The following WDR59 variants were observed in gnomAD, a reference collection of about 807,000 sequenced individuals.
WDR59 encodes the protein GATOR2 complex protein WDR59.
A neutral mutation model predicts 131.2 loss-of-function variants in WDR59; 100 were observed. The ratio of observed to expected loss-of-function variants is 0.76; its 90% CI spans 0.65 to 0.90. WDR59 has a LOEUF of 0.90. Ranked by LOEUF, WDR59 falls within the 40% of genes least tolerant of loss-of-function variation. The probability of loss-of-function intolerance (pLI) is 0.00; values close to 1 mark genes in which losing one functional copy is unlikely to be tolerated. For synonymous variants in WDR59, 601 were observed against 466.2 expected (o/e 1.29, Z -3.72); for missense variants, 1,203 against 1,262.2 (o/e 0.95, Z 0.71).
At chr16:74,938,394 G>A in intron 7 of WDR59, 128 bp from the exon 8 acceptor site, 2 of 566,248 alleles carry the variant, frequency 3.5e-6, no homozygotes, top group East Asian at 6.4e-5. Flanking sequence ...ACCCTACACA[G>A]ACTTTGTTTG....
At chr16:74,893,623 G>GT (rs1390532320) in intron 19 of WDR59, 56 bp downstream of exon 19, 1 of 1,483,366 alleles carries the variant, frequency 6.7e-7, no homozygotes, top group Non-Finnish European at 9.1e-7. Flanking sequence ...AAAAAAAAAA[G>GT]TTTTGCTAAT....
At chr16:74,882,807 C>CAAAAAAAAAAAAAAAAAAAAA (rs569507124) in intron 25 of WDR59, among the ~76,000 whole-genome samples, 19 of 51,422 alleles carry the variant, frequency 3.7e-4, no homozygotes, top group African/African-American at 4.0e-4. Context: ...AACACTGTCT[C>CAAAAAAAAAAAAAAAAAAAAA]AAAAAAAAAA....
chr16:74,899,843 C>A (rs1399551479), intron 18 of WDR59: 2 of 976,872 alleles, frequency 2.0e-6, no homozygotes, highest in East Asian at 6.0e-5. Context: ...TGAAAGCTTC[C>A]CACACATCCG....
At chr16:74,907,748 T>C (rs544445235) in intron 17 of WDR59, among the ~76,000 whole-genome samples, 13 of 152,308 alleles carry the variant, frequency 8.5e-5, no homozygotes, top group African/African-American at 3.1e-4. Flanking sequence ...CCTAAAGCTT[T>C]AAAAACCAGT....
At chr16:74,903,378 T>A (rs1218202390) in intron 18 of WDR59, among the ~76,000 whole-genome samples, 2 of 152,132 alleles carry the variant, frequency 1.3e-5, no homozygotes, top group Non-Finnish European at 2.9e-5. Flanking sequence ...AGCTTAATGA[T>A]AACTACTTTA....
chr16:74,921,833 TC>T (rs2145001495), intron 10 of WDR59, 113 bp downstream of exon 10: 1 of 1,346,106 alleles, frequency 7.4e-7, no homozygotes, highest in South Asian at 1.5e-5. Flanking sequence ...GCTCTCTGGT[TC>T]CTAAAGCCCA....
intron 8 of WDR59, among the ~76,000 whole-genome samples, chr16:74,928,273 A>G (rs902787061): frequency 1.3e-5 from 2 of 148,584 alleles, no homozygotes; most frequent in African/African-American, 5.0e-5. Context: ...AAGTATAGTG[A>G]CAGGATTATG....
intron 25 of WDR59, among the ~76,000 whole-genome samples, chr16:74,879,076 G>T (rs1249551208): frequency 2.6e-5 from 4 of 152,206 alleles, no homozygotes; most frequent in Admixed American, 1.3e-4. Flanking sequence ...ACACTGACCA[G>T]GAGCAGCTTC....
chr16:74,939,100 G>A (rs2032027715), intron 7 of WDR59, among the ~76,000 whole-genome samples: 1 of 151,802 alleles, frequency 6.6e-6, no homozygotes, highest in East Asian at 2.0e-4. Flanking sequence ...GGCCAAGGTG[G>A]GTGGATCACC....
intron 2 of WDR59, among the ~76,000 whole-genome samples, chr16:74,961,111 G>T (rs1034653238): frequency 2.0e-5 from 3 of 151,314 alleles, no homozygotes; most frequent in Non-Finnish European, 2.9e-5. Context: ...TTCAAGATCA[G>T]CCTAGGCAAC....
At chr16:74,915,348 C>T (rs2144962220) in intron 13 of WDR59, 1 of 153,042 alleles carries the variant, frequency 6.5e-6, no homozygotes, top group Admixed American at 6.5e-5. Flanking sequence ...TCTCCTTTGG[C>T]TCATCTTAGG....
intron 20 of WDR59, among the ~76,000 whole-genome samples, chr16:74,891,489 C>T (rs1284481680): frequency 1.3e-5 from 2 of 152,222 alleles, no homozygotes; most frequent in South Asian, 2.1e-4. Flanking sequence ...AAGATGTTTA[C>T]TACCCTGGCT....
chr16:74,915,979 G>A lies in WDR59; in HGVS notation c.1115C>T (p.Pro372Leu). The A allele has an allele frequency of 6.2e-7, 1 of 1,614,156 alleles. No individual in the cohort carries two copies. Among genetic ancestry groups the A allele is most frequent in the Non-Finnish European group, 8.5e-7 (1 of 1,180,024 alleles). ...CCTCTCTTCCAGGAGATTTCTAGGG[G>A]GATCTTCTTTTAGGGCTAGCAGGAG... ...HGEEEALKED[P>L]PRNLLEERKS... Residue 372 changes from proline (P) to leucine (L), a missense_variant, in exon 13 of 26, where the codon CCC becomes CTC. Physicochemically the swap from Pro to Leu is moderately conservative, Grantham distance 98. Transcript: ENST00000262144.
chr16:74,885,788 C>A lies in WDR59; in HGVS notation c.2554G>T (p.Asp852Tyr). The A allele has an allele frequency of 6.2e-7, 1 of 1,609,750 alleles. No individual in the cohort carries two copies. Among genetic ancestry groups the A allele is most frequent in the Non-Finnish European group, 8.5e-7 (1 of 1,179,074 alleles). ...DQHDKNKRLL[D>Y]PANTQQFDDF... is the part of the protein sequence containing the mutation. ...TCAAATTGCTGGGTATTGGCGGGGTCCAGGAGCCTGGATAAAGTTAAAAAG... is the reference window on the plus strand; with the variant it reads ...TCAAATTGCTGGGTATTGGCGGGGTACAGGAGCCTGGATAAAGTTAAAAAG... Residue 852 changes from aspartate (D) to tyrosine (Y), a missense_variant, in exon 25 of 26, where the codon GAC (aspartate) becomes TAC (tyrosine). Asp to Tyr is a radical substitution (Grantham distance 160, BLOSUM62 -3). Coordinates refer to ENST00000262144, the MANE Select transcript of WDR59 (RefSeq NM_030581.4).
At chr16:74,948,383 C>T (rs2032780770) in intron 6 of WDR59, 136 bp downstream of exon 6, 3 of 833,134 alleles carry the variant, frequency 3.6e-6, no homozygotes, top group Admixed American at 4.4e-5. Flanking sequence ...CAATTCCACT[C>T]AGCCACGGCG....
chr16:74,899,008 C>A (rs1034208789), intron 18 of WDR59, among the ~76,000 whole-genome samples: 1 of 152,200 alleles, frequency 6.6e-6, no homozygotes, highest in African/African-American at 2.4e-5. Context: ...GAAATTTATA[C>A]AAAGCCTCAC....
In WDR59 at chr16:74,896,058, G is replaced by A. The variant is rs886337168; in HGVS notation, c.1867-2246C>T. Among the ~76,000 whole-genome samples the A allele has an allele frequency of 2.9e-4, 44 of 151,748 alleles. 1 individual carries two copies. Among genetic ancestry groups the A allele is most frequent in the Non-Finnish European group, 7.4e-5 (5 of 67,962 alleles). On this transcript the variant is annotated intron_variant, in intron 18 of 25. Coordinates refer to ENST00000262144, the MANE Select transcript of WDR59 (RefSeq NM_030581.4). ...CACACCCACAGGCCCCACATAACTG[G>A]TCATCTCAAGTGAGACTCAGGGCAC...
intron 14 of WDR59, 32 bp from the exon 15 acceptor site, chr16:74,909,949 G>C (rs547915927): frequency 6.7e-7 from 1 of 1,489,884 alleles, no homozygotes; most frequent in Non-Finnish European, 9.1e-7. Context: ...GTCAAGAAGA[G>C]GAACACATTT....
chr16:74,945,349 C>A (rs762321923), intron 6 of WDR59, among the ~76,000 whole-genome samples: 5 of 137,540 alleles, frequency 3.6e-5, no homozygotes, highest in African/African-American at 5.4e-5. Flanking sequence ...TGGTGGCGGG[C>A]GCCTGCAGTC....
Sources: gnomAD v4.1 joint callset for allele counts (sites outside exome capture counted in the v4.1 genomes callset) on GRCh38, gnomAD v4.1.1 for gene constraint, MANE v1.5 for transcripts, NCBI Gene and HGNC (gene_info 2026-07-23, HGNC 2026-07-21) for gene names.